The following GYPE variants were observed in gnomAD, a reference collection of about 807,000 sequenced individuals.
The protein encoded by GYPE is glycophorin E (MNS blood group), also known as glycophorin-E.
Under a neutral mutation model 11.6 loss-of-function variants are expected in GYPE, and 8 were observed. The ratio of observed to expected loss-of-function variants is 0.69; its 90% CI spans 0.41 to 1.25. The LOEUF (loss-of-function observed/expected upper bound fraction) is 1.25. GYPE is among the 50% of genes most tolerant of loss of function. GYPE has a pLI of 0.01. For missense variants in GYPE, 90 were observed against 92.8 expected (o/e 0.97, Z 0.12); for synonymous variants, 28 against 29.6 (o/e 0.94, Z 0.18).
At chr4:143,882,514 A>G (rs999497547) in intron 1 of GYPE, among the ~76,000 whole-genome samples, 3 of 152,216 alleles carry the variant, frequency 2.0e-5, no homozygotes, top group Non-Finnish European at 2.9e-5. Context: ...TTTAGCTATG[A>G]AAGTGTTATG....
intron 1 of GYPE, among the ~76,000 whole-genome samples, chr4:143,898,306 G>A (rs1744738615): frequency 1.3e-5 from 2 of 152,142 alleles, no homozygotes; most frequent in Non-Finnish European, 2.9e-5. Context: ...GAACCTGGGA[G>A]GCAGAGGTTG....
At chr4:143,874,645 T>C (rs1473477908) in intron 3 of GYPE, among the ~76,000 whole-genome samples, 1 of 152,170 alleles carries the variant, frequency 6.6e-6, no homozygotes, top group African/African-American at 2.4e-5. Flanking sequence ...ACTCCAAGGA[T>C]AAGGCAGTCA....
At chr4:143,879,314 A>G (rs956947458) in intron 2 of GYPE, among the ~76,000 whole-genome samples, 1 of 152,230 alleles carries the variant, frequency 6.6e-6, no homozygotes. Context: ...TACCAAAGCC[A>G]CACAATTTTC....
At position 143,871,564 on chromosome 4, in the gene GYPE, C is replaced by T. The variant is rs543126474; in HGVS notation, c.*698G>A. On this transcript the variant is annotated 3_prime_UTR_variant, in exon 4 of 4. Coordinates refer to ENST00000358615, the MANE Select transcript of GYPE (RefSeq NM_198682.3). ...GGGAAAGCGATTCACTGGAGTCTCT[C>T]GTCAGTGACCTGGTGGTGAATATAT... 3 of 152,214 alleles carry T rather than the reference C, an allele frequency of 2.0e-5. No individual in the cohort carries two copies. The highest frequency in any genetic ancestry group is 6.6e-5 in the Admixed American group (1 of 15,264). The allele number at this position is 152,214 out of a possible 1,614,324, so 9.4% of individuals were successfully genotyped here.
chr4:143,902,419 G>T (rs1838523), intron 1 of GYPE, among the ~76,000 whole-genome samples: 142,297 of 151,728 alleles, frequency 0.94, 67,457 homozygotes, highest in East Asian at 1. Flanking sequence ...GCTGTGGTAT[G>T]AGTCAGATGC....
rs1480641821 is a variant in GYPE, at chr4:143,874,233, A to T, written c.*10-1981T>A. 2.0e-5 allele frequency among the ~76,000 whole-genome samples: 3 copies of T among 152,238 alleles called. No individual in the cohort carries two copies. The East Asian group carries it at 5.8e-4, about 29-fold the overall frequency. On this transcript the variant is annotated intron_variant, in intron 3 of 3. Coordinates refer to ENST00000358615, the MANE Select transcript of GYPE (RefSeq NM_198682.3). The stretch of plus-strand genomic sequence containing the variant: ...AAAAAAGTGTAAAGAAAAAGACAAA[A>T]ATTAGCTATAATCCCACCAAGTGAA...
At chr4:143,891,078 G>A (rs1744384233) in intron 1 of GYPE, among the ~76,000 whole-genome samples, 1 of 152,060 alleles carries the variant, frequency 6.6e-6, no homozygotes, top group South Asian at 2.1e-4. Flanking sequence ...ACAAGTATTA[G>A]TAAACTTCTT....
intron 1 of GYPE, among the ~76,000 whole-genome samples, chr4:143,881,355 T>C (rs1054445275): frequency 6.6e-6 from 1 of 152,086 alleles, no homozygotes; most frequent in Non-Finnish European, 1.5e-5. Flanking sequence ...TAAAATTTTA[T>C]AAATTAAATT....
rs375615974 is a variant in GYPE at position 143,876,859 on chromosome 4, C to T, written c.137-4G>A. On this transcript the variant is annotated splice_polypyrimidine_tract_variant and splice_region_variant and intron_variant, in intron 2 of 3. Transcript: ENST00000358615. ...CACCAATTAATGAGTGTTATCCCTA[C>T]AGGAGATAAAGAGAGCGGCAAAATT... 1.9e-6 allele frequency: 3 copies of T among 1,577,534 alleles called. No homozygotes were observed. Among genetic ancestry groups the T allele is most frequent in the Non-Finnish European group, 2.6e-6 (3 of 1,147,626 alleles).
chr4:143,884,115 C>G (rs1744160216), intron 1 of GYPE, among the ~76,000 whole-genome samples: 1 of 150,860 alleles, frequency 6.6e-6, no homozygotes, highest in Non-Finnish European at 1.5e-5. Context: ...TCTTGGGGCT[C>G]CAGCCATTCT....
At chr4:143,898,533 C>T (rs770861414) in intron 1 of GYPE, among the ~76,000 whole-genome samples, 4 of 152,082 alleles carry the variant, frequency 2.6e-5, no homozygotes, top group Non-Finnish European at 5.9e-5. Flanking sequence ...TAATTATGGA[C>T]CATTTTAGCC....
chr4:143,876,469 CCATCAAAATATGTGAAAG>C (rs1743812127), intron 3 of GYPE, among the ~76,000 whole-genome samples: 1 of 152,014 alleles, frequency 6.6e-6, no homozygotes, highest in African/African-American at 2.4e-5. Flanking sequence ...TCCTCAATAT[CCATCAAAATATGTGAAAG>C]CAAGTTAGAC....
At chr4:143,884,145 G>A (rs1744161263) in intron 1 of GYPE, among the ~76,000 whole-genome samples, 1 of 148,226 alleles carries the variant, frequency 6.7e-6, no homozygotes, top group Non-Finnish European at 1.5e-5. Flanking sequence ...TTTTCTCTAT[G>A]ACTGCACCAT....
rs1406694076 is a variant in GYPE, at chr4:143,899,632, C to A, written c.37+5839G>T. Among the ~76,000 whole-genome samples the A allele has an allele frequency of 4.0e-5, 6 of 150,908 alleles. No individual in the cohort carries two copies. The East Asian group carries it at 9.8e-4, about 25-fold the overall frequency. On this transcript the variant is annotated intron_variant, in intron 1 of 3. Coordinates refer to ENST00000358615, the MANE Select transcript of GYPE (RefSeq NM_198682.3). Reference sequence around the variant, plus strand: ...TTGCCCCAAGAACAGACATATTCTTCGGATAGAATTGAGACTCCAGAAATA... The same window carrying A: ...TTGCCCCAAGAACAGACATATTCTTAGGATAGAATTGAGACTCCAGAAATA...
At chr4:143,881,596 A>G (rs927314434) in intron 1 of GYPE, among the ~76,000 whole-genome samples, 5 of 152,152 alleles carry the variant, frequency 3.3e-5, no homozygotes, top group Non-Finnish European at 7.4e-5. Context: ...TTTCTACTTA[A>G]TATGCCACAG....
intron 1 of GYPE, among the ~76,000 whole-genome samples, chr4:143,892,260 GCTCC>G (rs1744436884): frequency 6.6e-6 from 1 of 152,004 alleles, no homozygotes; most frequent in African/African-American, 2.4e-5. Flanking sequence ...CAAAAAACCA[GCTCC>G]TGGGTTCATT....
chr4:143,901,973 C>T (rs762998506), intron 1 of GYPE, among the ~76,000 whole-genome samples: 4 of 152,074 alleles, frequency 2.6e-5, no homozygotes, highest in Non-Finnish European at 5.9e-5. Flanking sequence ...GATTTGGCAA[C>T]TAGTCCAGCT....
chr4:143,889,430 G>A (rs552854087), intron 1 of GYPE, among the ~76,000 whole-genome samples: 1 of 152,200 alleles, frequency 6.6e-6, no homozygotes, highest in East Asian at 1.9e-4. Flanking sequence ...CCACCAAATG[G>A]TTGGGGGATC....
chr4:143,882,057 T>C (rs1174166034), intron 1 of GYPE, among the ~76,000 whole-genome samples: 4 of 152,186 alleles, frequency 2.6e-5, no homozygotes, highest in Admixed American at 1.3e-4. Flanking sequence ...ACATGATCTA[T>C]TGTTCCTAAA....
Sources: allele counts gnomAD v4.1 joint callset (sites outside exome capture counted in the v4.1 genomes callset), GRCh38; gene constraint gnomAD v4.1.1; transcripts MANE v1.5; gene names NCBI Gene and HGNC (gene_info 2026-07-23, HGNC 2026-07-21).